Variants in CAPN8 observed in about 807,000 individuals in gnomAD.
CAPN8 encodes calpain-8.
Under a neutral mutation model 80.9 loss-of-function variants are expected in CAPN8, and 87 were observed. The ratio of observed to expected loss-of-function variants is 1.07; its 90% CI spans 0.90 to 1.28. CAPN8 has a LOEUF of 1.28. Ranked by LOEUF, CAPN8 falls within the 50% of genes most tolerant of loss-of-function variation. The pLI, the probability that CAPN8 is intolerant of heterozygous loss-of-function variation, is 0.00. For synonymous variants in CAPN8, 299 were observed against 273.8 expected (o/e 1.09, Z -0.91); for missense variants, 757 against 702.0 (o/e 1.08, Z -0.89).
chr1:223,622,928 C>G, intron 6 of CAPN8, 28 bp from the exon 7 acceptor site: 1 of 1,525,312 alleles, frequency 6.6e-7, no homozygotes, highest in Non-Finnish European at 8.9e-7. Context: ...AGAAAAGCGA[C>G]TGAATTACTA....
At chr1:223,637,650 G>T (rs73125619) in intron 2 of CAPN8, among the ~76,000 whole-genome samples, 2 of 152,154 alleles carry the variant, frequency 1.3e-5, no homozygotes, top group African/African-American at 4.8e-5. Flanking sequence ...TCCGGCTTAA[G>T]GGGTAGCTCC....
chr1:223,637,466 C>T (rs11580006), intron 2 of CAPN8, among the ~76,000 whole-genome samples: 58,592 of 152,104 alleles, frequency 0.39, 12,503 homozygotes, highest in Non-Finnish European at 0.49. Context: ...AGCAGCAGCA[C>T]CTGGGCAGGC....
intron 15 of CAPN8, among the ~76,000 whole-genome samples, chr1:223,549,752 A>G (rs563592215): frequency 6.6e-6 from 1 of 152,372 alleles, no homozygotes; most frequent in East Asian, 1.9e-4. Flanking sequence ...GTATTAACTG[A>G]GATAATGAAA....
chr1:223,643,516 A>T (rs1289642465), intron 2 of CAPN8, among the ~76,000 whole-genome samples: 1 of 152,222 alleles, frequency 6.6e-6, no homozygotes, highest in Non-Finnish European at 1.5e-5. Context: ...AGGCTGGGAA[A>T]ATATCCTGAG....
chr1:223,554,784 A>G (rs1158769335), intron 13 of CAPN8, among the ~76,000 whole-genome samples: 1 of 152,190 alleles, frequency 6.6e-6, no homozygotes, highest in Non-Finnish European at 1.5e-5. Context: ...TATTGATTTA[A>G]CCAGACCATT....
At chr1:223,556,267 C>A (rs1353408692) in intron 13 of CAPN8, among the ~76,000 whole-genome samples, 2 of 152,122 alleles carry the variant, frequency 1.3e-5, no homozygotes, top group Non-Finnish European at 2.9e-5. Context: ...CTGTAAAGTA[C>A]TGAGTCCCCT....
At position 223,639,002 on chromosome 1, in the gene CAPN8, G is replaced by C. The variant is rs551594865; in HGVS notation, c.308-10222C>G. On this transcript the variant is annotated intron_variant, in intron 2 of 20. Coordinates refer to ENST00000366872, the MANE Select transcript of CAPN8 (RefSeq NM_001143962.2). ...TGCCTGTAATCCCAACACTTTGGGAGGCCAAGGTGGGTGGATCACCTGAGG... is the reference window on the plus strand; with the variant it reads ...TGCCTGTAATCCCAACACTTTGGGACGCCAAGGTGGGTGGATCACCTGAGG... Among the ~76,000 whole-genome samples the C allele has an allele frequency of 2.0e-3, 298 of 152,354 alleles. 1 individual carries two copies. Among genetic ancestry groups the C allele is most frequent in the African/African-American group, 6.9e-3 (285 of 41,588 alleles).
intron 20 of CAPN8, among the ~76,000 whole-genome samples, chr1:223,542,250 T>C (rs1328973714): frequency 6.9e-6 from 1 of 144,038 alleles, no homozygotes; most frequent in African/African-American, 2.6e-5. Flanking sequence ...TTCCTATATA[T>C]GTATTTGTTT....
intron 2 of CAPN8, among the ~76,000 whole-genome samples, chr1:223,631,289 G>A (rs1235406670): frequency 8.6e-5 from 13 of 152,006 alleles, no homozygotes; most frequent in African/African-American, 2.9e-4. Context: ...CCTTATTTAC[G>A]CTTCTCTTGC....
chr1:223,638,402 AGG>A (rs1270497859), intron 2 of CAPN8, among the ~76,000 whole-genome samples: 3 of 152,002 alleles, frequency 2.0e-5, no homozygotes, highest in Non-Finnish European at 4.4e-5. Flanking sequence ...TTGGCTAGAG[AGG>A]ACATCAGGAT....
At chr1:223,552,985 A>C (rs2102692378) in intron 14 of CAPN8, among the ~76,000 whole-genome samples, 1 of 152,304 alleles carries the variant, frequency 6.6e-6, no homozygotes, top group Non-Finnish European at 1.5e-5. Context: ...ATGGCTATGC[A>C]AAGGAACTGT....
At chr1:223,620,291 C>G (rs771238534) in intron 7 of CAPN8, 25 bp from the exon 8 acceptor site, 1 of 1,547,016 alleles carries the variant, frequency 6.5e-7, no homozygotes, top group African/African-American at 1.4e-5. Context: ...AGCAGAGATG[C>G]TCGCTCCTGA....
At chr1:223,662,376 G>T (rs909252429) in intron 1 of CAPN8, among the ~76,000 whole-genome samples, 6 of 152,058 alleles carry the variant, frequency 3.9e-5, no homozygotes, top group Non-Finnish European at 8.8e-5. Context: ...TTGAACTGGG[G>T]AGGCAGAGGT....
chr1:223,637,060 C>T (rs973843147), intron 2 of CAPN8, among the ~76,000 whole-genome samples: 2 of 152,224 alleles, frequency 1.3e-5, no homozygotes, highest in African/African-American at 2.4e-5. Context: ...GACCTTCTGA[C>T]ACTCACCTCT....
At chr1:223,664,977 G>A (rs569754246) in intron 1 of CAPN8, among the ~76,000 whole-genome samples, 1 of 152,242 alleles carries the variant, frequency 6.6e-6, no homozygotes, top group Admixed American at 6.5e-5. Context: ...GGGGGGGCCA[G>A]ATGCAGTGGC....
chr1:223,651,026 A>G (rs1175223136), intron 2 of CAPN8, among the ~76,000 whole-genome samples: 1 of 152,144 alleles, frequency 6.6e-6, no homozygotes, highest in Non-Finnish European at 1.5e-5. Context: ...AAAAGCACAC[A>G]CAGACATGAC....
intron 19 of CAPN8, among the ~76,000 whole-genome samples, chr1:223,543,581 G>A (rs1297721637): frequency 6.6e-6 from 1 of 152,070 alleles, no homozygotes; most frequent in Non-Finnish European, 1.5e-5. Context: ...AAACCTCAGT[G>A]GAAGGAAAAA....
intron 10 of CAPN8, among the ~76,000 whole-genome samples, chr1:223,614,629 C>T (rs775949743): frequency 6.6e-6 from 1 of 152,214 alleles, no homozygotes; most frequent in African/African-American, 2.4e-5. Context: ...GTCAGGTCCC[C>T]ATCACAGCAG....
intron 2 of CAPN8, among the ~76,000 whole-genome samples, chr1:223,649,828 C>T (rs60841677): frequency 0.38 from 58,073 of 151,950 alleles, 12,421 homozygotes; most frequent in Non-Finnish European, 0.49. Flanking sequence ...TACCAGGCAC[C>T]GTGGATATAT....
Sources: gnomAD v4.1 joint callset for allele counts (sites outside exome capture counted in the v4.1 genomes callset) on GRCh38, gnomAD v4.1.1 for gene constraint, MANE v1.5 for transcripts, NCBI Gene and HGNC (gene_info 2026-07-23, HGNC 2026-07-21) for gene names.